USP42: variants seen among roughly 807,000 people sequenced by gnomAD.
USP42 encodes ubiquitin carboxyl-terminal hydrolase 42.
Under a neutral mutation model 113.0 loss-of-function variants are expected in USP42, and 23 were observed. That is an observed-to-expected ratio of 0.20 (90% CI 0.15 to 0.29). USP42 has a LOEUF of 0.29. Ranked by LOEUF, USP42 falls within the 10% of genes least tolerant of loss-of-function variation. The pLI, the probability that USP42 is intolerant of heterozygous loss-of-function variation, is 1.00. For missense variants in USP42, 2,174 were observed against 1,779.8 expected (o/e 1.22, Z -3.99); for synonymous variants, 933 against 699.0 (o/e 1.33, Z -5.28).
the USP42 span, among the ~76,000 whole-genome samples, chr7:6,095,577 G>A: frequency 1.3e-5 from 2 of 151,066 alleles, no homozygotes; most frequent in Non-Finnish European, 2.9e-5. Context: ...GCTGAGGCAG[G>A]AGAATCACTT....
rs751330197 is a variant in USP42, at chr7:6,146,140, A to G, written c.1132-8A>G. On this transcript the variant is annotated splice_region_variant and splice_polypyrimidine_tract_variant and intron_variant, in intron 10 of 17. Transcript: ENST00000306177. ...TAATCTCTCTCTTTTATTGGCTCTC[A>G]TTTATAGGCTAGCAATGGCCTCTGG... The G allele has an allele frequency of 1.9e-6, 3 of 1,553,464 alleles. No individual in the cohort carries two copies. Among genetic ancestry groups the G allele is most frequent in the Non-Finnish European group, 2.6e-6 (3 of 1,140,200 alleles).
chr7:6,141,978 G>T (rs1781456347), intron 7 of USP42, among the ~76,000 whole-genome samples: 1 of 152,178 alleles, frequency 6.6e-6, no homozygotes, highest in Non-Finnish European at 1.5e-5. Flanking sequence ...AGACCTTTCT[G>T]TGTGAGCGTG....
intron 3 of USP42, among the ~76,000 whole-genome samples, chr7:6,130,530 G>A (rs747342740): frequency 2.6e-5 from 4 of 152,162 alleles, no homozygotes; most frequent in Non-Finnish European, 5.9e-5. Flanking sequence ...TTGTCACAAC[G>A]TGGGGTGGGA....
intron 3 of USP42, among the ~76,000 whole-genome samples, chr7:6,121,861 A>G (rs576853371): frequency 8.5e-5 from 13 of 152,222 alleles, no homozygotes; most frequent in Non-Finnish European, 1.0e-4. Context: ...AGGTCTCACT[A>G]TGTTGCCCAG....
At chr7:6,115,553 T>C (rs1205344738) in intron 3 of USP42, 30 bp downstream of exon 3, 6 of 1,608,912 alleles carry the variant, frequency 3.7e-6, no homozygotes, top group Non-Finnish European at 4.3e-6. Flanking sequence ...TTTGTAGTAT[T>C]GTAGTGCGCT....
In USP42 at chr7:6,159,874, C is replaced by T. The variant is rs1480678206; in HGVS notation, c.*36+381C>T. On this transcript the variant is annotated intron_variant, in intron 17 of 17. Transcript: ENST00000306177. This position sits in a 1 kb window ranked among gnomAD's most constrained non-coding sequence, Gnocchi z 4.1. ...AGCACAGGCACCTCACTCAGGAGAG[C>T]GGAGCCTTGCTCCCTCGTCCGTCCC... is the stretch of plus-strand genomic sequence containing the variant. Among the ~76,000 whole-genome samples, 1 of 152,204 alleles carries T rather than the reference C, an allele frequency of 6.6e-6. No homozygotes were observed.
At chr7:6,097,556 G>C in the USP42 span, among the ~76,000 whole-genome samples, 463 of 150,324 alleles carry the variant, frequency 3.1e-3, 7 homozygotes, top group Non-Finnish European at 4.7e-3. Flanking sequence ...ACAAGCATAA[G>C]CCACTGCGCC....
Position 6,154,846 on chromosome 7 carries a change from C to T in USP42, c.3292C>T (p.Arg1098Trp). 3 of 1,537,950 alleles carry T rather than the reference C, an allele frequency of 2.0e-6. No homozygotes were observed. Among genetic ancestry groups the T allele is most frequent in the South Asian group, 1.2e-5 (1 of 83,226 alleles). ...LHERPHKDHNRGRRGCEPARE... is the reference protein window; with the variant it reads ...LHERPHKDHNWGRRGCEPARE... ...CGAGCGGCCGCACAAGGACCACAAC[C>T]GGGGCCGTAGGGGCTGCGAGCCGGC... Residue 1098 changes from arginine (R) to tryptophan (W), a missense_variant, in exon 15 of 18, where the codon CGG becomes TGG. By Grantham distance (101) the Arg-to-Trp change is moderately radical. Transcript: ENST00000306177.
At chr7:6,110,337 A>G (rs1008813216) in intron 1 of USP42, among the ~76,000 whole-genome samples, 1 of 152,108 alleles carries the variant, frequency 6.6e-6, no homozygotes, top group Non-Finnish European at 1.5e-5. Flanking sequence ...CTGATCTCTC[A>G]TACGTTCTTT....
At chr7:6,096,967 A>G in the USP42 span, among the ~76,000 whole-genome samples, 1 of 148,190 alleles carries the variant, frequency 6.7e-6, no homozygotes, top group Admixed American at 6.7e-5. Context: ...TCTGTCATCC[A>G]TGCTGGAGTG....
At chr7:6,084,848 A>G in the USP42 span, among the ~76,000 whole-genome samples, 2 of 149,684 alleles carry the variant, frequency 1.3e-5, no homozygotes, top group Non-Finnish European at 2.9e-5. Context: ...CCTTCTGAGT[A>G]TCTGGAACTA....
At position 6,155,143 on chromosome 7, in the gene USP42, A is replaced by C; in HGVS notation, c.3589A>C (p.Lys1197Gln). The change falls in exon 15 of 18, where the codon AAA (lysine) becomes CAA (glutamine). Residue 1197 changes from lysine (K) to glutamine (Q), a missense_variant. Physicochemically the swap from Lys to Gln is moderately conservative, Grantham distance 53. Transcript: ENST00000306177. ...LEEPKAKKHK[K>Q]SKKKKKSKDK... is the part of the protein sequence containing the mutation. ...AGAGCCTAAAGCAAAGAAGCACAAA[A>C]AATCAAAGAAGAAAAAGAAATCCAA... is the stretch of plus-strand genomic sequence containing the variant. 6.5e-7 allele frequency: 1 copy of C among 1,548,786 alleles called. No homozygotes were observed. The highest frequency in any genetic ancestry group is 1.7e-4 in the Middle Eastern group (1 of 5,968).
chr7:6,149,812 C>G lies in USP42; in HGVS notation c.1616C>G (p.Pro539Arg), dbSNP rs765999713. 1 of 1,614,020 alleles carries G rather than the reference C, an allele frequency of 6.2e-7. No homozygotes were observed. The highest frequency in any genetic ancestry group is 8.5e-7 in the Non-Finnish European group (1 of 1,179,904). ...KLPVRQCQSQ[P>R]NLHSNSLENP... ...CCTGTTCGCCAGTGTCAGTCTCAAC[C>G]TAACCTTCATAGTAATTCTTTGGAG... Residue 539 changes from proline (P) to arginine (R), a missense_variant, in exon 13 of 18, where the codon CCT becomes CGT. Coordinates refer to ENST00000306177, the MANE Select transcript of USP42 (RefSeq NM_032172.3).
chr7:6,154,839 C>T lies in USP42; in HGVS notation c.3285C>T (p.Asp1095=). Residue 1095 remains aspartate, a synonymous_variant, in exon 15 of 18, where the codon GAC becomes GAT. Transcript: ENST00000306177. The part of the protein sequence containing the change: ...RAGLHERPHK[D]HNRGRRGCEP... ...GGCTGCACGAGCGGCCGCACAAGGA[C>T]CACAACCGGGGCCGTAGGGGCTGCG... is the stretch of plus-strand genomic sequence containing the variant. 6.5e-7 allele frequency: 1 copy of T among 1,540,118 alleles called. No individual in the cohort carries two copies. The highest frequency in any genetic ancestry group is 8.8e-7 in the Non-Finnish European group (1 of 1,141,348).
At chr7:6,131,665 G>A (rs1780859345) in intron 3 of USP42, among the ~76,000 whole-genome samples, 1 of 152,126 alleles carries the variant, frequency 6.6e-6, no homozygotes, top group Admixed American at 6.5e-5. Context: ...CTTCCAGGTT[G>A]CTGACTTTAG....
chr7:6,102,282 T>G (rs1381314312), upstream of USP42, among the ~76,000 whole-genome samples: 1 of 149,318 alleles, frequency 6.7e-6, no homozygotes. Context: ...GCCAACTGAT[T>G]TTTGTATTTT....
intron 3 of USP42, among the ~76,000 whole-genome samples, chr7:6,131,106 G>C (rs1331284860): frequency 6.6e-6 from 1 of 152,174 alleles, no homozygotes; most frequent in Non-Finnish European, 1.5e-5. Flanking sequence ...GTATAGCAAA[G>C]GCTTGCACGA....
intron 2 of USP42, among the ~76,000 whole-genome samples, chr7:6,114,679 T>TATATATATATATA (rs57984216): frequency 1.1e-3 from 12 of 10,910 alleles, no homozygotes; most frequent in South Asian, 3.9e-3. Flanking sequence ...TATATATATA[T>TATATATATATATA]TTTTTTTTTT....
chr7:6,090,693 C>T, the USP42 span, among the ~76,000 whole-genome samples: 1 of 145,200 alleles, frequency 6.9e-6, no homozygotes, highest in African/African-American at 2.6e-5. Context: ...CTAGCCTGGG[C>T]GACAGAGTGA....
Sources: allele counts gnomAD v4.1 joint callset (sites outside exome capture counted in the v4.1 genomes callset), GRCh38; gene constraint gnomAD v4.1.1; non-coding constraint Gnocchi (gnomAD v3.1); transcripts MANE v1.5; gene names NCBI Gene and HGNC (gene_info 2026-07-23, HGNC 2026-07-21).